RAB6A: variants seen among roughly 807,000 people sequenced by gnomAD.
RAB6A encodes the protein ras-related protein Rab-6A.
A neutral mutation model predicts 32.3 loss-of-function variants in RAB6A; 8 were observed. The ratio of observed to expected loss-of-function variants is 0.25; its 90% CI spans 0.15 to 0.45. The LOEUF is 0.45. RAB6A is among the 20% of genes least tolerant of loss of function. The pLI is 1.00. For missense variants in RAB6A, 104 were observed against 249.4 expected (o/e 0.42, Z 3.93); for synonymous variants, 73 against 82.1 (o/e 0.89, Z 0.60).
chr11:73,696,408 G>T (rs766600650), intron 6 of RAB6A, among the ~76,000 whole-genome samples: 2 of 151,988 alleles, frequency 1.3e-5, no homozygotes, highest in Non-Finnish European at 2.9e-5. Flanking sequence ...TGGCCAGGCT[G>T]GTCTCGAACT....
At chr11:73,760,457 A>G in intron 1 of RAB6A, 109 bp downstream of exon 1, 1 of 1,399,816 alleles carries the variant, frequency 7.1e-7, no homozygotes, top group Non-Finnish European at 9.6e-7. Flanking sequence ...GGTGGCAACG[A>G]GCGCGGACGC....
Position 73,760,733 on chromosome 11 carries a change from A to G in RAB6A, c.-98T>C, listed in dbSNP as rs3211165. On this transcript the variant is annotated 5_prime_UTR_variant, in exon 1 of 8. Transcript: ENST00000336083. ...GAAAAAGGCGAGCGGAAGGGCGGGCACCGAGCTCTCTCGGCCCCTGCAAGG... is the reference window on the plus strand; with the variant it reads ...GAAAAAGGCGAGCGGAAGGGCGGGCGCCGAGCTCTCTCGGCCCCTGCAAGG... 184,585 of 1,516,170 alleles carry G rather than the reference A, an allele frequency of 0.12. 12,777 individuals are homozygous for G. The highest frequency in any genetic ancestry group is 0.28 in the South Asian group (22,881 of 81,962). 93.9% of individuals were successfully genotyped at this position (1,516,170 alleles called of 1,614,324 possible).
At chr11:73,739,214 T>G (rs1248868370) in intron 1 of RAB6A, among the ~76,000 whole-genome samples, 1 of 135,636 alleles carries the variant, frequency 7.4e-6, no homozygotes, top group African/African-American at 2.8e-5. Flanking sequence ...CACTGCACTC[T>G]GGCCTGGGAG....
At chr11:73,718,322 A>G (rs989863065) in intron 4 of RAB6A, among the ~76,000 whole-genome samples, 1 of 152,162 alleles carries the variant, frequency 6.6e-6, no homozygotes, top group Non-Finnish European at 1.5e-5. Flanking sequence ...CATTCCTCCA[A>G]CTATAATTAT....
intron 2 of RAB6A, among the ~76,000 whole-genome samples, chr11:73,725,789 A>C (rs1412284603): frequency 6.6e-6 from 1 of 152,182 alleles, no homozygotes; most frequent in East Asian, 1.9e-4. Context: ...AAAGTTAAAG[A>C]ATTTCCCATG....
At chr11:73,717,441 T>TTTG (rs1240433825) in intron 4 of RAB6A, among the ~76,000 whole-genome samples, 1 of 152,046 alleles carries the variant, frequency 6.6e-6, no homozygotes, top group Non-Finnish European at 1.5e-5. Flanking sequence ...CACTTTAGTT[T>TTTG]TTGTTGTTGT....
rs191042821 is a variant in RAB6A, at chr11:73,693,345, T to A, written c.496-13625A>T. ...AAAGGATTTAAGGATTTAATTAACATAAGCAAATATAATTGGAATGAATGA... is the reference window on the plus strand; with the variant it reads ...AAAGGATTTAAGGATTTAATTAACAAAAGCAAATATAATTGGAATGAATGA... On this transcript the variant is annotated intron_variant, in intron 6 of 7. Coordinates refer to ENST00000336083, the MANE Select transcript of RAB6A (RefSeq NM_198896.2). Among the ~76,000 whole-genome samples, 102 of 151,754 alleles carry A rather than the reference T, an allele frequency of 6.7e-4. 2 individuals carry two copies. The East Asian group carries it at 0.014, about 21-fold the overall frequency.
chr11:73,731,261 C>T (rs1341104237), intron 1 of RAB6A, among the ~76,000 whole-genome samples: 1 of 152,060 alleles, frequency 6.6e-6, no homozygotes, highest in Admixed American at 6.6e-5. Context: ...GTGAGAAAAA[C>T]TGGCCAGGTG....
intron 4 of RAB6A, among the ~76,000 whole-genome samples, chr11:73,718,072 T>G (rs1946077668): frequency 2.6e-5 from 4 of 152,178 alleles, no homozygotes; most frequent in South Asian, 4.1e-4. Flanking sequence ...AGCAACAAAG[T>G]AAATAAATCA....
intron 1 of RAB6A, among the ~76,000 whole-genome samples, chr11:73,733,419 C>T (rs909896682): frequency 1.3e-5 from 2 of 151,980 alleles, no homozygotes; most frequent in East Asian, 1.9e-4. Flanking sequence ...TGTGGTGATG[C>T]GCGCCTGTAA....
intron 6 of RAB6A, among the ~76,000 whole-genome samples, chr11:73,702,659 G>T (rs542731692): frequency 1.9e-4 from 29 of 152,162 alleles, no homozygotes; most frequent in African/African-American, 6.7e-4. Context: ...GACTATAACA[G>T]AATTAAATTA....
At chr11:73,740,801 T>C (rs1459600866) in intron 1 of RAB6A, among the ~76,000 whole-genome samples, 1 of 151,210 alleles carries the variant, frequency 6.6e-6, no homozygotes, top group Non-Finnish European at 1.5e-5. Context: ...GGCAGGACAA[T>C]CGCTTAAACC....
At chr11:73,679,559 T>C (rs749649892) in intron 7 of RAB6A, 95 bp downstream of exon 7, 1 of 1,479,006 alleles carries the variant, frequency 6.8e-7, no homozygotes, top group Non-Finnish European at 9.4e-7. Context: ...TTCCTGGTTG[T>C]AAAAGGCAAT....
At chr11:73,734,272 C>A (rs1946360625) in intron 1 of RAB6A, among the ~76,000 whole-genome samples, 1 of 152,032 alleles carries the variant, frequency 6.6e-6, no homozygotes, top group Non-Finnish European at 1.5e-5. Context: ...ATTACAGGCG[C>A]CCGCCACCAC....
At chr11:73,701,318 G>C (rs1439113442) in intron 6 of RAB6A, among the ~76,000 whole-genome samples, 2 of 152,130 alleles carry the variant, frequency 1.3e-5, no homozygotes, top group Non-Finnish European at 2.9e-5. Context: ...ACACAGCTGA[G>C]AAAACACACA....
intron 1 of RAB6A, among the ~76,000 whole-genome samples, chr11:73,745,096 A>T (rs963135237): frequency 2.0e-5 from 3 of 152,192 alleles, no homozygotes; most frequent in African/African-American, 7.2e-5. Context: ...ATAAAGCATG[A>T]TCCATCTTTT....
At chr11:73,710,833 C>T (rs1054679242) in intron 5 of RAB6A, among the ~76,000 whole-genome samples, 5 of 151,746 alleles carry the variant, frequency 3.3e-5, no homozygotes, top group Non-Finnish European at 5.9e-5. Flanking sequence ...ACTGTAACCT[C>T]GAACTCCTGA....
chr11:73,704,203 A>C, intron 6 of RAB6A: 1 of 440,056 alleles, frequency 2.3e-6, no homozygotes, highest in Non-Finnish European at 4.6e-6. Context: ...GCAACATGGC[A>C]AGAACCTATT....
intron 6 of RAB6A, among the ~76,000 whole-genome samples, chr11:73,695,440 C>T (rs554379031): frequency 5.3e-5 from 8 of 151,430 alleles, no homozygotes; most frequent in African/African-American, 9.7e-5. Context: ...AATACAGTGG[C>T]GCAATCTCGG....
Sources: gnomAD v4.1 joint callset for allele counts (sites outside exome capture counted in the v4.1 genomes callset) on GRCh38, gnomAD v4.1.1 for gene constraint, MANE v1.5 for transcripts, NCBI Gene and HGNC (gene_info 2026-07-23, HGNC 2026-07-21) for gene names.